Variants in FAM222B observed in about 807,000 individuals in gnomAD.
The protein encoded by FAM222B is family with sequence similarity 222 member B, also known as protein FAM222B.
Under a neutral mutation model 38.0 loss-of-function variants are expected in FAM222B, and 12 were observed. The ratio of observed to expected loss-of-function variants is 0.32; its 90% CI spans 0.20 to 0.51. The LOEUF is 0.51. Among genes scored for constraint, FAM222B ranks in the 20% least tolerant of loss-of-function variants. The pLI, the probability that FAM222B is intolerant of heterozygous loss-of-function variation, is 0.97. For missense variants in FAM222B, 716 were observed against 754.2 expected (o/e 0.95, Z 0.59); for synonymous variants, 329 against 317.2 (o/e 1.04, Z -0.40).
chr17:28,773,206 T>G (rs1190903708), intron 1 of FAM222B, among the ~76,000 whole-genome samples: 5 of 152,062 alleles, frequency 3.3e-5, no homozygotes, highest in Non-Finnish European at 7.4e-5. Context: ...GCAGGTGCGG[T>G]GGCTCATGCC....
chr17:28,766,569 GGATCCA>G lies in FAM222B; in HGVS notation c.82+11_82+16del. ...AACAAAGAATCACACATGCTCCATAGGATCCAGATTACTTACATTTCTGAAGTCCAG... is the reference window on the plus strand; with the variant it reads ...AACAAAGAATCACACATGCTCCATAGGATTACTTACATTTCTGAAGTCCAG... On this transcript the variant is annotated intron_variant, in intron 2 of 2. Transcript: ENST00000581407. 1.3e-6 allele frequency: 2 copies of G among 1,578,172 alleles called. No individual in the cohort carries two copies.
chr17:28,794,835 G>C (rs1157435457), intron 1 of FAM222B, among the ~76,000 whole-genome samples: 1 of 151,938 alleles, frequency 6.6e-6, no homozygotes, highest in African/African-American at 2.4e-5. Flanking sequence ...GCTCATGCCT[G>C]TAATCCCAGC....
chr17:28,784,819 C>T (rs191872822), intron 1 of FAM222B, among the ~76,000 whole-genome samples: 3 of 152,194 alleles, frequency 2.0e-5, no homozygotes, highest in South Asian at 2.1e-4. Context: ...GCGTGAAACA[C>T]GGCTCATTGA....
Position 28,758,192 on chromosome 17 carries a change from A to T in FAM222B, c.*78T>A. The T allele has an allele frequency of 8.0e-7, 1 of 1,243,164 alleles. No homozygotes were observed. Among genetic ancestry groups the T allele is most frequent in the Non-Finnish European group, 1.1e-6 (1 of 890,798 alleles). The allele number at this position is 1,243,164 out of a possible 1,614,324, so 77.0% of individuals were successfully genotyped here. The stretch of plus-strand genomic sequence containing the variant: ...ATCACACTGGAGCAGTGAAACTTTG[A>T]AACTATCCAGTTACTTAAAAGACTA... On this transcript the variant is annotated 3_prime_UTR_variant, in exon 3 of 3. Coordinates refer to ENST00000581407, the MANE Select transcript of FAM222B (RefSeq NM_001077498.3).
intron 1 of FAM222B, chr17:28,854,807 T>C (rs111679207): frequency 6.8e-4 from 322 of 474,642 alleles, no homozygotes; most frequent in Non-Finnish European, 9.5e-4. Context: ...ATACGTTGTG[T>C]ATGGGAGTCC....
intron 1 of FAM222B, among the ~76,000 whole-genome samples, chr17:28,786,894 ATTTTTTTTTT>A (rs34396988): frequency 2.9e-3 from 209 of 72,038 alleles, no homozygotes; most frequent in African/African-American, 0.011. Context: ...CCTTCACTGT[ATTTTTTTTTT>A]TTTTTTTTTT....
At position 28,758,773 on chromosome 17, in the gene FAM222B, G is replaced by A. The variant is rs763413670; in HGVS notation, c.1186C>T (p.Arg396Cys). The A allele has an allele frequency of 7.2e-5, 113 of 1,572,806 alleles. 1 individual carries two copies. The East Asian group carries it at 1.4e-3, about 20-fold the overall frequency. The change falls in exon 3 of 3, where the codon CGC becomes TGC. Residue 396 changes from arginine (R) to cysteine (C), a missense_variant. Coordinates refer to ENST00000581407, the MANE Select transcript of FAM222B (RefSeq NM_001077498.3). ...PGLTGKHAAG[R>C]ELAGPGFVGK... The stretch of plus-strand genomic sequence containing the variant: ...ACAAAGCCAGGCCCTGCCAACTCGC[G>A]TCCTGCCGCATGCTTGCCTGTCAGG...
At position 28,757,586 on chromosome 17, in the gene FAM222B, G is replaced by C. The variant is rs910764056; in HGVS notation, c.*684C>G. ...TTTCTAGGTTTGGAAAGGGGAGTCT[G>C]GAACCAAGATGCCAATACAAAGACT... On this transcript the variant is annotated 3_prime_UTR_variant, in exon 3 of 3. Transcript: ENST00000581407. The C allele has an allele frequency of 1.3e-5, 2 of 152,078 alleles. No individual in the cohort carries two copies. The highest frequency in any genetic ancestry group is 4.8e-5 in the African/African-American group (2 of 41,392). 9.4% of individuals were successfully genotyped at this position (152,078 alleles called of 1,614,324 possible). A position where few individuals can be genotyped will look rare whatever the true frequency, so the allele number is the denominator to read the frequency against.
intron 1 of FAM222B, among the ~76,000 whole-genome samples, chr17:28,808,359 T>A (rs1169854172): frequency 2.0e-5 from 3 of 152,176 alleles, no homozygotes; most frequent in African/African-American, 7.2e-5. Context: ...ATTCCAGTCC[T>A]TTATTTTGAG....
intron 1 of FAM222B, among the ~76,000 whole-genome samples, chr17:28,798,559 T>C (rs191059430): frequency 3.5e-4 from 54 of 152,266 alleles, no homozygotes; most frequent in African/African-American, 1.2e-3. Context: ...AATTAGGTAA[T>C]TTTTTAAAAA....
chr17:28,835,751 A>G (rs373976217), intron 1 of FAM222B, among the ~76,000 whole-genome samples: 79 of 152,016 alleles, frequency 5.2e-4, no homozygotes, highest in African/African-American at 1.8e-3. Context: ...TGCTCACTAC[A>G]TCCTTCATCT....
intron 1 of FAM222B, among the ~76,000 whole-genome samples, chr17:28,835,023 T>TG (rs1288594343): frequency 0.021 from 1,691 of 79,572 alleles, 16 homozygotes; most frequent in Admixed American, 0.035. Flanking sequence ...CTCAGCTAAT[T>TG]TTGTGTGTGT....
chr17:28,828,579 A>C (rs964071412), intron 1 of FAM222B, among the ~76,000 whole-genome samples: 7 of 151,796 alleles, frequency 4.6e-5, no homozygotes, highest in Non-Finnish European at 1.5e-5. Flanking sequence ...AAAAAAAAAA[A>C]ACAAAAAACA....
intron 1 of FAM222B, among the ~76,000 whole-genome samples, chr17:28,804,921 C>CTA (rs1307914339): frequency 6.6e-6 from 1 of 151,736 alleles, no homozygotes; most frequent in East Asian, 2.0e-4. Context: ...TGGCAGGCAC[C>CTA]TATAGTCCCA....
rs2034934103 is a variant in FAM222B at position 28,759,352 on chromosome 17, C to T, written c.607G>A (p.Ala203Thr). ...GGGTGGACCAAGCCCTGGGTTTGGG[C>T]CATGGGCTGAGGGTGGCCCAGGCCC... ...PQGLGHPQPMAQTQGLVHPQA... is the reference protein window; with the variant it reads ...PQGLGHPQPMTQTQGLVHPQA... The change falls in exon 3 of 3, where the codon GCC becomes ACC. Residue 203 changes from alanine to threonine, a missense_variant. By Grantham distance (58) the Ala-to-Thr change is moderately conservative. Transcript: ENST00000581407. This position sits in a 1 kb window ranked among gnomAD's most constrained non-coding sequence, Gnocchi z 4.8. The T allele has an allele frequency of 6.2e-7, 1 of 1,609,256 alleles. No homozygotes were observed. The highest frequency in any genetic ancestry group is 2.2e-5 in the East Asian group (1 of 44,768).
At chr17:28,839,200 C>G (rs1239261842) in intron 1 of FAM222B, among the ~76,000 whole-genome samples, 1 of 152,064 alleles carries the variant, frequency 6.6e-6, no homozygotes, top group Admixed American at 6.6e-5. Context: ...GAGCAGGACT[C>G]CGTCTCAAAA....
chr17:28,796,313 A>T (rs1385386131), intron 1 of FAM222B, among the ~76,000 whole-genome samples: 1 of 152,232 alleles, frequency 6.6e-6, no homozygotes, highest in Non-Finnish European at 1.5e-5. Flanking sequence ...TGCTAATGAT[A>T]ATTTGTGGAC....
At chr17:28,820,758 C>T (rs926471495) in intron 1 of FAM222B, among the ~76,000 whole-genome samples, 4 of 151,828 alleles carry the variant, frequency 2.6e-5, no homozygotes, top group African/African-American at 9.7e-5. Flanking sequence ...CTTGGCCTCC[C>T]GAGTAGCGGG....
intron 1 of FAM222B, among the ~76,000 whole-genome samples, chr17:28,805,928 G>A (rs1480318992): frequency 6.6e-6 from 1 of 152,090 alleles, no homozygotes; most frequent in East Asian, 1.9e-4. Context: ...TATCACCTGA[G>A]GTCGGGAGTT....
Sources: gnomAD v4.1 joint callset for allele counts (sites outside exome capture counted in the v4.1 genomes callset) on GRCh38, gnomAD v4.1.1 for gene constraint, Gnocchi (gnomAD v3.1) non-coding constraint, MANE v1.5 for transcripts, NCBI Gene and HGNC (gene_info 2026-07-23, HGNC 2026-07-21) for gene names.